Variants in COQ8B observed in about 807,000 individuals in gnomAD.
The protein encoded by COQ8B is atypical kinase COQ8B, mitochondrial.
Under a neutral mutation model 62.0 loss-of-function variants are expected in COQ8B, and 44 were observed. That is an observed-to-expected ratio of 0.71 (90% CI 0.56 to 0.91). The LOEUF (loss-of-function observed/expected upper bound fraction) is 0.91. COQ8B is among the 40% of genes least tolerant of loss of function. The pLI is 0.00. For synonymous variants in COQ8B, 252 were observed against 289.9 expected (o/e 0.87, Z 1.33); for missense variants, 649 against 731.6 (o/e 0.89, Z 1.30).
intron 1 of COQ8B, among the ~76,000 whole-genome samples, chr19:40,716,212 G>A (rs1205541097): frequency 6.6e-6 from 1 of 152,102 alleles, no homozygotes; most frequent in Non-Finnish European, 1.5e-5. Flanking sequence ...TGTGCCCAAT[G>A]TCTCCCCCAG....
chr19:40,695,983 A>G lies in COQ8B; in HGVS notation c.1209+6T>C, dbSNP rs777882752. 86 of 1,613,644 alleles carry G rather than the reference A, an allele frequency of 5.3e-5. No individual in the cohort carries two copies. Among genetic ancestry groups the G allele is most frequent in the Non-Finnish European group, 6.9e-5 (81 of 1,179,948 alleles). On this transcript the variant is annotated splice_donor_region_variant and intron_variant, in intron 13 of 14. Coordinates refer to ENST00000324464, the MANE Select transcript of COQ8B (RefSeq NM_024876.4). ...TCAGAGGCCCTGGGGTCTGGGGGAG[A>G]CTCACCTCGATGTAATGGTCTGTGA... is the stretch of plus-strand genomic sequence containing the variant.
Position 40,696,048 on chromosome 19 carries a change from G to A in COQ8B, c.1150C>T (p.Leu384=), listed in dbSNP as rs1363903421. 1.2e-6 allele frequency: 2 copies of A among 1,614,034 alleles called. No individual in the cohort carries two copies. The highest frequency in any genetic ancestry group is 1.7e-6 in the Non-Finnish European group (2 of 1,179,990). ...TCCCGGCTTGCACCAAAGTCCAGCA[G>A]GGTCACCTGGAAGCAAGGAATGGTG... is the stretch of plus-strand genomic sequence containing the variant. ...LYDASSHQVT[L]LDFGASREFG... is the part of the protein sequence containing the mutation. Residue 384 remains leucine (L), a synonymous_variant, in exon 13 of 15, where the codon CTG becomes TTG. Coordinates refer to ENST00000324464, the MANE Select transcript of COQ8B (RefSeq NM_024876.4).
chr19:40,702,526 A>C (rs552468584), intron 10 of COQ8B, 74 bp downstream of exon 10: 1 of 1,404,470 alleles, frequency 7.1e-7, no homozygotes, highest in Admixed American at 1.7e-5. Flanking sequence ...CAGCTGCCAG[A>C]AGCTGAGGGG....
At chr19:40,698,803 C>T (rs2082038977) in intron 12 of COQ8B, among the ~76,000 whole-genome samples, 1 of 152,044 alleles carries the variant, frequency 6.6e-6, no homozygotes, top group South Asian at 2.1e-4. Flanking sequence ...TAGAAAGACC[C>T]CTCTGGGGAC....
intron 13 of COQ8B, among the ~76,000 whole-genome samples, chr19:40,695,561 G>A (rs1275801601): frequency 1.3e-5 from 2 of 152,070 alleles, no homozygotes; most frequent in Non-Finnish European, 2.9e-5. Flanking sequence ...CAGGGCCCTG[G>A]ACAGCATGGG....
At chr19:40,709,914 A>G in intron 5 of COQ8B, 145 bp downstream of exon 5, 1 of 735,340 alleles carries the variant, frequency 1.4e-6, no homozygotes, top group Non-Finnish European at 2.3e-6. Flanking sequence ...TGTTCAAAGC[A>G]CTTCACAATG....
chr19:40,712,159 C>T (rs952370372), intron 4 of COQ8B, among the ~76,000 whole-genome samples: 27 of 151,946 alleles, frequency 1.8e-4, no homozygotes, highest in African/African-American at 6.5e-4. Flanking sequence ...TTGAACCAGG[C>T]GGGGCATGGT....
At chr19:40,710,928 T>C (rs1450123484) in intron 4 of COQ8B, among the ~76,000 whole-genome samples, 1 of 151,614 alleles carries the variant, frequency 6.6e-6, no homozygotes, top group African/African-American at 2.4e-5. Context: ...AGTCAGGAGG[T>C]CGAGACCAGC....
chr19:40,704,058 G>A lies in COQ8B; in HGVS notation c.577-203C>T, dbSNP rs58152093. ...GACTAGCCAGGCACTGGCAGACTGT[G>A]AGGCTCAGCCTAGCCTGTGTCCCCT... On this transcript the variant is annotated intron_variant, in intron 7 of 14. Transcript: ENST00000324464. The A allele has an allele frequency of 1.3e-3, 825 of 623,098 alleles. 3 individuals carry two copies. The African/African-American group carries it at 0.014, about 11-fold the overall frequency. The allele number at this position is 623,098 out of a possible 1,614,324, so 38.6% of individuals were successfully genotyped here.
At chr19:40,707,838 T>C (rs1181226778) in intron 5 of COQ8B, among the ~76,000 whole-genome samples, 2 of 152,208 alleles carry the variant, frequency 1.3e-5, no homozygotes, top group Non-Finnish European at 2.9e-5. Flanking sequence ...TATTCCATTG[T>C]ATGCCTATCA....
At chr19:40,709,566 G>C (rs1159023778) in intron 5 of COQ8B, among the ~76,000 whole-genome samples, 1 of 152,144 alleles carries the variant, frequency 6.6e-6, no homozygotes, top group South Asian at 2.1e-4. Context: ...CTAATATGTG[G>C]CTGGGCACAG....
chr19:40,696,482 T>A (rs2082016076), intron 12 of COQ8B, among the ~76,000 whole-genome samples: 1 of 151,976 alleles, frequency 6.6e-6, no homozygotes, highest in African/African-American at 2.4e-5. Flanking sequence ...CTGGCCATCA[T>A]GGTGAAATCC....
intron 12 of COQ8B, among the ~76,000 whole-genome samples, chr19:40,697,705 A>C (rs2082024571): frequency 6.6e-6 from 1 of 151,370 alleles, no homozygotes. Context: ...CTGAGGCAGG[A>C]GAATCACTTG....
Position 40,710,125 on chromosome 19 carries a change from C to CCA in COQ8B, c.299_300dup (p.Gly101TrpfsTer5). 6.2e-7 allele frequency: 1 copy of CCA among 1,614,116 alleles called. No individual in the cohort carries two copies. Among genetic ancestry groups the CCA allele is most frequent in the Non-Finnish European group, 8.5e-7 (1 of 1,179,944 alleles). On this transcript the variant is annotated frameshift_variant, in exon 5 of 15. Transcript: ENST00000324464. LOFTEE classifies it high-confidence loss of function. ...TCGGCCAGTACTCCTAGCCCCAAGC[C>CCA]CACAGCCAGTCCTGGAGTGCAAGAG... is the stretch of plus-strand genomic sequence containing the variant.
intron 12 of COQ8B, among the ~76,000 whole-genome samples, chr19:40,697,391 T>C (rs2082022502): frequency 6.6e-6 from 1 of 152,156 alleles, no homozygotes; most frequent in Admixed American, 6.5e-5. Context: ...AGAGATTACA[T>C]TAGTGAGTCA....
At chr19:40,697,874 A>AGAGAGAGAGAGAGT (rs202234463) in intron 12 of COQ8B, among the ~76,000 whole-genome samples, 24 of 96,982 alleles carry the variant, frequency 2.5e-4, no homozygotes, top group African/African-American at 5.2e-4. Context: ...AGAGAGAGAG[A>AGAGAGAGAGAGAGT]GAGTTTCTAC....
Position 40,692,980 on chromosome 19 carries a change from G to A in COQ8B, c.1267C>T (p.Leu423Phe). The change falls in exon 14 of 15, where the codon CTC (leucine) becomes TTC (phenylalanine). Residue 423 changes from leucine (L) to phenylalanine (F), a missense_variant. By Grantham distance (22) the Leu-to-Phe change is conservative. Coordinates refer to ENST00000324464, the MANE Select transcript of COQ8B (RefSeq NM_024876.4). Reference protein sequence around the residue: ...RDCVLQKSRDLKFLTGFETKA... With the variant: ...RDCVLQKSRDFKFLTGFETKA... ...GTTTCAAAGCCTGTGAGGAATTTGA[G>A]GTCCCTGGACTTCTGCAGGACACAG... The A allele has an allele frequency of 1.2e-6, 2 of 1,613,940 alleles. No homozygotes were observed. The highest frequency in any genetic ancestry group is 1.7e-6 in the Non-Finnish European group (2 of 1,179,892).
intron 12 of COQ8B, among the ~76,000 whole-genome samples, chr19:40,696,821 T>C (rs544771089): frequency 1.5e-3 from 232 of 152,344 alleles, no homozygotes; most frequent in African/African-American, 4.8e-3. Context: ...TTTCTATGTA[T>C]GTGTACAGCT....
chr19:40,714,007 T>A (rs2082164095), intron 4 of COQ8B, 60 bp downstream of exon 4: 2 of 1,558,484 alleles, frequency 1.3e-6, no homozygotes, highest in African/African-American at 1.4e-5. Flanking sequence ...CTTGCTTCAA[T>A]CTGTAAATGT....
Sources: allele counts gnomAD v4.1 joint callset (sites outside exome capture counted in the v4.1 genomes callset), GRCh38; gene constraint gnomAD v4.1.1; transcripts MANE v1.5; gene names NCBI Gene and HGNC (gene_info 2026-07-23, HGNC 2026-07-21).